STAB2: variants seen among roughly 807,000 people sequenced by gnomAD.
The protein encoded by STAB2 is stabilin 2.
A neutral mutation model predicts 338.1 loss-of-function variants in STAB2; 288 were observed. That is an observed-to-expected ratio of 0.85 (90% confidence interval 0.77 to 0.94). The LOEUF (loss-of-function observed/expected upper bound fraction) is 0.94, where lower values mean the gene tolerates loss of function less well. Among genes scored for constraint, STAB2 ranks in the 40% least tolerant of loss-of-function variants. The pLI is 0.00. For missense variants in STAB2, 3,141 were observed against 3,210.1 expected, an observed-to-expected ratio of 0.98 and a Z score of 0.52; for synonymous variants, 1,202 against 1,193.3, an observed-to-expected ratio of 1.01 and a Z score of -0.15.
intron 3 of STAB2, among the ~76,000 whole-genome samples, chr12:103,618,617 G>A (rs1957248139): frequency 6.6e-6 from 1 of 152,202 alleles, no homozygotes; most frequent in Middle Eastern, 3.2e-3. Context: ...AGGGACAGCA[G>A]GAAGGTGGTC....
intron 68 of STAB2, among the ~76,000 whole-genome samples, chr12:103,765,739 A>G (rs990675010): frequency 6.2e-5 from 7 of 113,258 alleles, no homozygotes; most frequent in African/African-American, 2.0e-4. Context: ...ATAAGGTTTC[A>G]CCGTGTTGCT....
intron 26 of STAB2, among the ~76,000 whole-genome samples, chr12:103,683,907 G>GC (rs1877159533): frequency 6.6e-6 from 1 of 152,126 alleles, no homozygotes; most frequent in Non-Finnish European, 1.5e-5. Flanking sequence ...ACAGTGTTTG[G>GC]AGTTCCAGGT....
At chr12:103,744,366 G>T (rs1184336124) in intron 56 of STAB2, among the ~76,000 whole-genome samples, 1 of 151,562 alleles carries the variant, frequency 6.6e-6, no homozygotes, top group East Asian at 1.9e-4. Flanking sequence ...TCCCCAGACT[G>T]GTCTCAAACT....
At chr12:103,623,577 G>A (rs1032428115) in intron 5 of STAB2, among the ~76,000 whole-genome samples, 4 of 152,090 alleles carry the variant, frequency 2.6e-5, no homozygotes, top group African/African-American at 4.8e-5. Context: ...GAATGTGGGT[G>A]GCCTCTCGAG....
chr12:103,730,441 TAA>T (rs1286761565), intron 49 of STAB2, among the ~76,000 whole-genome samples, 185 bp downstream of exon 49: 1 of 152,222 alleles, frequency 6.6e-6, no homozygotes. Context: ...CTTAAATTGA[TAA>T]GTGGGTTTTA....
intron 3 of STAB2, among the ~76,000 whole-genome samples, chr12:103,601,307 A>G (rs1669238684): frequency 6.6e-6 from 1 of 152,226 alleles, no homozygotes; most frequent in African/African-American, 2.4e-5. Context: ...AAACCTTTAA[A>G]GGGGCTGGGC....
chr12:103,717,876 C>A (rs1017233600), intron 44 of STAB2, 35 bp downstream of exon 44: 1 of 1,611,976 alleles, frequency 6.2e-7, no homozygotes, highest in Non-Finnish European at 8.5e-7. Context: ...TCCTTCAAGC[C>A]TCAGAGCCCA....
chr12:103,708,642 G>A (rs1176840184), intron 39 of STAB2, 106 bp downstream of exon 39: 2 of 1,018,118 alleles, frequency 2.0e-6, no homozygotes, highest in African/African-American at 3.2e-5. Context: ...ACTTCTTCTG[G>A]CAATAAACAT....
intron 51 of STAB2, 21 bp from the exon 52 acceptor site, chr12:103,735,470 G>C: frequency 6.4e-7 from 1 of 1,566,268 alleles, no homozygotes; most frequent in Non-Finnish European, 8.6e-7. Context: ...GGGCAGTCAC[G>C]TGGTGCCATC....
chr12:103,640,285 T>G (rs1432822923), intron 9 of STAB2, 29 bp downstream of exon 9: 1 of 1,595,084 alleles, frequency 6.3e-7, no homozygotes, highest in African/African-American at 1.3e-5. Context: ...TCCACCAACA[T>G]TTCCAAGTGG....
At chr12:103,666,447 T>A in intron 19 of STAB2, 94 bp downstream of exon 19, 2 of 1,312,510 alleles carry the variant, frequency 1.5e-6, no homozygotes, top group Admixed American at 3.7e-5. Flanking sequence ...TAGAAGATAT[T>A]AATTGCAGCT....
intron 50 of STAB2, among the ~76,000 whole-genome samples, chr12:103,732,594 C>G (rs963868212): frequency 6.6e-6 from 1 of 151,968 alleles, no homozygotes; most frequent in Non-Finnish European, 1.5e-5. Flanking sequence ...TTGCTTGAGC[C>G]CAGGAGTTTG....
At chr12:103,752,580 A>T (rs558938165) in intron 60 of STAB2, among the ~76,000 whole-genome samples, 1 of 152,236 alleles carries the variant, frequency 6.6e-6, no homozygotes, top group Non-Finnish European at 1.5e-5. Flanking sequence ...ATGAATTTTT[A>T]AAACTTTTTT....
At chr12:103,709,239 C>T (rs958801066) in intron 39 of STAB2, among the ~76,000 whole-genome samples, 3 of 152,044 alleles carry the variant, frequency 2.0e-5, no homozygotes, top group African/African-American at 7.2e-5. Context: ...AATACCACAA[C>T]GACATGGGAA....
chr12:103,696,669 A>T (rs1228943909), intron 33 of STAB2, among the ~76,000 whole-genome samples: 1 of 152,196 alleles, frequency 6.6e-6, no homozygotes, highest in Non-Finnish European at 1.5e-5. Context: ...AAAATAGAGA[A>T]GGGGAGAAGA....
chr12:103,714,949 T>A (rs1460217933), intron 42 of STAB2, among the ~76,000 whole-genome samples: 2 of 152,256 alleles, frequency 1.3e-5, no homozygotes, highest in East Asian at 3.8e-4. Flanking sequence ...AATGTCCTTT[T>A]TGACAATTTT....
chr12:103,703,276 A>G lies in STAB2; in HGVS notation c.3843A>G (p.Arg1281=), dbSNP rs1879063944. ...ATAATAATGACACTACTATTATACG[A>G]GTAAGTTCTATGGGCCAGAGCCAGT... ...RCDNNDTTII[R]GRCRTCSSEL... Residue 1281 remains arginine, a splice_region_variant and synonymous_variant, in exon 35 of 69, where the codon CGA becomes CGG. Coordinates refer to ENST00000388887, the MANE Select transcript of STAB2 (RefSeq NM_017564.10). 1.2e-6 allele frequency: 2 copies of G among 1,611,898 alleles called. No homozygotes were observed. Among genetic ancestry groups the G allele is most frequent in the East Asian group, 4.5e-5 (2 of 44,886 alleles).
At chr12:103,616,727 C>T (rs1210835861) in intron 3 of STAB2, among the ~76,000 whole-genome samples, 1 of 152,204 alleles carries the variant, frequency 6.6e-6, no homozygotes, top group African/African-American at 2.4e-5. Context: ...AGTTGGGGAG[C>T]TGTCACTACC....
intron 5 of STAB2, among the ~76,000 whole-genome samples, chr12:103,631,089 A>T (rs1332922217): frequency 1.3e-5 from 2 of 152,218 alleles, no homozygotes; most frequent in Non-Finnish European, 2.9e-5. Context: ...ATGATCTGTC[A>T]CTGGGCTAAA....
Sources: gnomAD v4.1 joint callset for allele counts (sites outside exome capture counted in the v4.1 genomes callset) on GRCh38, gnomAD v4.1.1 for gene constraint, MANE v1.5 for transcripts, NCBI Gene and HGNC (gene_info 2026-07-23, HGNC 2026-07-21) for gene names.